Variants in GPC6 observed in about 807,000 individuals in gnomAD.
GPC6 encodes glypican 6, also known as glypican-6.
In GPC6, 14 loss-of-function variants were observed where a neutral mutation model predicts 55.2. The observed-to-expected ratio is 0.25, with a 90% CI of 0.17 to 0.40. The LOEUF is 0.40. GPC6 is among the 10% of genes least tolerant of loss of function. GPC6 has a pLI of 1.00. For synonymous variants in GPC6, 278 were observed against 259.6 expected, an observed-to-expected ratio of 1.07 and a Z score of -0.68; for missense variants, 641 against 708.5, an observed-to-expected ratio of 0.90 and a Z score of 1.08.
At chr13:94,299,869 C>G (rs371039851) in intron 5 of GPC6, among the ~76,000 whole-genome samples, 4 of 152,104 alleles carry the variant, frequency 2.6e-5, no homozygotes, top group Admixed American at 2.6e-4. Flanking sequence ...AATGAAGATA[C>G]GATAGCTTCT....
chr13:93,863,761 A>G (rs1250357645), intron 3 of GPC6, among the ~76,000 whole-genome samples: 5 of 151,630 alleles, frequency 3.3e-5, no homozygotes, highest in Admixed American at 2.6e-4. Flanking sequence ...ACAGTTTATG[A>G]GACAAATGAG....
intron 2 of GPC6, among the ~76,000 whole-genome samples, chr13:93,755,199 C>G (rs909374248): frequency 3.9e-5 from 6 of 152,078 alleles, no homozygotes; most frequent in African/African-American, 1.2e-4. Flanking sequence ...TAGGACCCAC[C>G]ACAATGTAGA....
chr13:93,676,163 A>G (rs1450263500), intron 2 of GPC6, among the ~76,000 whole-genome samples: 19 of 44,788 alleles, frequency 4.2e-4, no homozygotes, highest in Admixed American at 1.1e-3. Context: ...ATATATATAT[A>G]TATATACATA....
At chr13:93,876,634 C>A (rs1321575252) in intron 3 of GPC6, among the ~76,000 whole-genome samples, 1 of 151,948 alleles carries the variant, frequency 6.6e-6, no homozygotes, top group Non-Finnish European at 1.5e-5. Flanking sequence ...GATAGTTGCC[C>A]AAAGGTAATT....
chr13:94,163,763 C>T (rs756205891), intron 4 of GPC6, among the ~76,000 whole-genome samples: 6 of 152,132 alleles, frequency 3.9e-5, no homozygotes, highest in Non-Finnish European at 5.9e-5. Context: ...AACTTCACAC[C>T]GAGCCTTGGA....
At chr13:94,044,598 T>C (rs1883658400) in intron 4 of GPC6, among the ~76,000 whole-genome samples, 1 of 151,880 alleles carries the variant, frequency 6.6e-6, no homozygotes, top group Admixed American at 6.6e-5. Context: ...TTAATGAATG[T>C]GTATTTTTGT....
At chr13:93,322,849 T>A (rs948619584) in intron 1 of GPC6, among the ~76,000 whole-genome samples, 3 of 152,134 alleles carry the variant, frequency 2.0e-5, no homozygotes, top group Non-Finnish European at 4.4e-5. Context: ...GCATGTTGGT[T>A]AAATAGGTAT....
intron 4 of GPC6, among the ~76,000 whole-genome samples, chr13:94,216,650 T>C (rs1409176): frequency 0.82 from 124,337 of 152,088 alleles, 51,407 homozygotes; most frequent in African/African-American, 0.95. Flanking sequence ...CTTCCACGTC[T>C]TCTGTTCTGC....
intron 2 of GPC6, among the ~76,000 whole-genome samples, chr13:93,809,269 G>A (rs113684688): frequency 2.2e-4 from 34 of 152,222 alleles, no homozygotes; most frequent in African/African-American, 6.0e-4. Context: ...GTGACCATAC[G>A]CATTTCCATT....
chr13:94,137,930 A>G (rs1887243469), intron 4 of GPC6, among the ~76,000 whole-genome samples: 1 of 152,220 alleles, frequency 6.6e-6, no homozygotes, highest in Non-Finnish European at 1.5e-5. Flanking sequence ...TCTAGGTGAT[A>G]ATGATGCAGT....
At chr13:93,392,850 C>A (rs1003157466) in intron 1 of GPC6, among the ~76,000 whole-genome samples, 1 of 152,064 alleles carries the variant, frequency 6.6e-6, no homozygotes, top group African/African-American at 2.4e-5. Context: ...TTTCACTAAA[C>A]CCTTTGGGAA....
At chr13:93,374,421 T>G (rs1472797433) in intron 1 of GPC6, among the ~76,000 whole-genome samples, 1 of 152,272 alleles carries the variant, frequency 6.6e-6, no homozygotes, top group Admixed American at 6.5e-5. Context: ...GTTCTACCTC[T>G]CTTACGGGGT....
At chr13:94,383,809 A>G (rs1880284056) in intron 7 of GPC6, among the ~76,000 whole-genome samples, 1 of 152,146 alleles carries the variant, frequency 6.6e-6, no homozygotes, top group African/African-American at 2.4e-5. Context: ...ACAGTTCCCT[A>G]TAGCTGGGGA....
At chr13:93,744,385 C>T (rs993920287) in intron 2 of GPC6, among the ~76,000 whole-genome samples, 3 of 152,092 alleles carry the variant, frequency 2.0e-5, no homozygotes, top group Non-Finnish European at 1.5e-5. Context: ...TCTCCATCCC[C>T]GTGCATTCCA....
chr13:93,773,619 C>T (rs1337544821), intron 2 of GPC6, among the ~76,000 whole-genome samples: 1 of 152,162 alleles, frequency 6.6e-6, no homozygotes, highest in Non-Finnish European at 1.5e-5. Flanking sequence ...CTAATCAGTA[C>T]TTGAGCCCAT....
intron 1 of GPC6, among the ~76,000 whole-genome samples, chr13:93,423,603 T>C (rs895461029): frequency 6.6e-6 from 1 of 152,140 alleles, no homozygotes; most frequent in Non-Finnish European, 1.5e-5. Context: ...GTTGCTAAGT[T>C]ATTGTAGTTG....
intron 3 of GPC6, among the ~76,000 whole-genome samples, chr13:93,919,903 G>C (rs1397377357): frequency 5.3e-5 from 8 of 152,172 alleles, no homozygotes; most frequent in African/African-American, 1.9e-4. Context: ...GCGTAGACTT[G>C]CTTAGAAGCC....
chr13:94,224,038 G>A (rs766125516), intron 4 of GPC6, among the ~76,000 whole-genome samples: 3 of 152,002 alleles, frequency 2.0e-5, no homozygotes, highest in Non-Finnish European at 4.4e-5. Flanking sequence ...ATGTGTTTTT[G>A]TGGTAATGGC....
At chr13:93,242,462 A>G (rs761931625) in intron 1 of GPC6, among the ~76,000 whole-genome samples, 1 of 152,192 alleles carries the variant, frequency 6.6e-6, no homozygotes, top group Non-Finnish European at 1.5e-5. Context: ...GAGGACACAC[A>G]TCCTGTGGGG....
Sources: gnomAD v4.1 joint callset for allele counts (sites outside exome capture counted in the v4.1 genomes callset) on GRCh38, gnomAD v4.1.1 for gene constraint, MANE v1.5 for transcripts, NCBI Gene and HGNC (gene_info 2026-07-23, HGNC 2026-07-21) for gene names.